The following ADCY5 variants were observed in gnomAD, a reference collection of about 807,000 sequenced individuals.
ADCY5 encodes adenylate cyclase 5.
Under a neutral mutation model 119.7 loss-of-function variants are expected in ADCY5, and 30 were observed. The ratio of observed to expected loss-of-function variants is 0.25; its 90% CI spans 0.19 to 0.34. The LOEUF is 0.34. Ranked by LOEUF, ADCY5 falls within the 10% of genes least tolerant of loss-of-function variation. ADCY5 has a pLI of 1.00. For missense variants in ADCY5, 1,324 were observed against 1,775.2 expected (o/e 0.75, Z 4.57); for synonymous variants, 753 against 762.2 (o/e 0.99, Z 0.20).
rs1938533857 is a variant in ADCY5, at chr3:123,283,754, G to A, written c.*854C>T. 6.8e-6 allele frequency: 1 copy of A among 146,920 alleles called. No homozygotes were observed. The allele number at this position is 146,920 out of a possible 1,614,324, so 9.1% of individuals were successfully genotyped here. On this transcript the variant is annotated 3_prime_UTR_variant, in exon 21 of 21. Transcript: ENST00000462833. ...CTGTGCACAGCTGTTTTCTAATATA[G>A]AGAATTTACAAAATATAGAATTTGG...
At chr3:123,428,919 C>A (rs1446469472) in intron 1 of ADCY5, among the ~76,000 whole-genome samples, 1 of 152,224 alleles carries the variant, frequency 6.6e-6, no homozygotes, top group African/African-American at 2.4e-5. Flanking sequence ...AGTGCGAGCA[C>A]TGGAGCCCTA....
At position 123,424,506 on chromosome 3, in the gene ADCY5, A is replaced by AGAAT. The variant is rs371321735; in HGVS notation, c.1134+22902_1134+22905dup. On this transcript the variant is annotated intron_variant, in intron 1 of 20. Transcript: ENST00000462833. ...ATTTCCCTGGAAAGATGGTCCAGGC[A>AGAAT]GAATGCACAGTCCTCTCACACATGA... Among the ~76,000 whole-genome samples the AGAAT allele has an allele frequency of 1.4e-3, 209 of 152,348 alleles. 1 individual carries two copies. The highest frequency in any genetic ancestry group is 4.9e-3 in the African/African-American group (204 of 41,588).
intron 1 of ADCY5, among the ~76,000 whole-genome samples, chr3:123,361,343 C>T (rs1173041279): frequency 6.6e-6 from 1 of 152,178 alleles, no homozygotes; most frequent in Non-Finnish European, 1.5e-5. Flanking sequence ...AATTCACATA[C>T]CATAAAATGC....
intron 3 of ADCY5, among the ~76,000 whole-genome samples, chr3:123,343,763 G>C (rs1207893525): frequency 6.6e-6 from 1 of 152,186 alleles, no homozygotes; most frequent in African/African-American, 2.4e-5. Context: ...GCAAGTGCTG[G>C]TATCTGGGGT....
In ADCY5 at chr3:123,314,220, G is replaced by A. The variant is rs368081990; in HGVS notation, c.2442+15C>T. 6.2e-7 allele frequency: 1 copy of A among 1,603,768 alleles called. No homozygotes were observed. The highest frequency in any genetic ancestry group is 8.5e-7 in the Non-Finnish European group (1 of 1,171,430). On this transcript the variant is annotated intron_variant, in intron 12 of 20. Coordinates refer to ENST00000462833, the MANE Select transcript of ADCY5 (RefSeq NM_183357.3). ...GGAAGAAGGTGGCTGCAACCCAGCTGTCAGCTACACTCACCTTTACGCAGG... is the reference window on the plus strand; with the variant it reads ...GGAAGAAGGTGGCTGCAACCCAGCTATCAGCTACACTCACCTTTACGCAGG...
chr3:123,346,607 TTC>T (rs72299981), intron 3 of ADCY5, among the ~76,000 whole-genome samples: 1,291 of 128,150 alleles, frequency 0.01, 25 homozygotes, highest in African/African-American at 0.028. Flanking sequence ...CAGCCTCACC[TTC>T]TCTCTCTCTC....
chr3:123,374,904 A>G (rs1269037962), intron 1 of ADCY5, among the ~76,000 whole-genome samples: 1 of 152,222 alleles, frequency 6.6e-6, no homozygotes, highest in Non-Finnish European at 1.5e-5. Flanking sequence ...AAGGACACCA[A>G]TTATGGGGCA....
rs78786981 is a variant in ADCY5 at position 123,297,073 on chromosome 3, T to C, written c.2930+280A>G. The C allele has an allele frequency of 5.0e-3, 7,591 of 1,532,760 alleles. 220 individuals are homozygous for C. In the African/African-American group the frequency reaches 0.073, roughly 15 times the overall value. 94.9% of individuals were successfully genotyped at this position (1,532,760 alleles called of 1,614,324 possible). On this transcript the variant is annotated intron_variant, in intron 16 of 20. Transcript: ENST00000462833. ...CAGGCTCCTGGGGAAGAGCTTGAGGTTAAATGCTTTAACATGAGGCCTATG... is the reference window on the plus strand; with the variant it reads ...CAGGCTCCTGGGGAAGAGCTTGAGGCTAAATGCTTTAACATGAGGCCTATG...
chr3:123,321,571 G>T (rs570336324), intron 8 of ADCY5, among the ~76,000 whole-genome samples: 206 of 152,300 alleles, frequency 1.4e-3, no homozygotes, highest in African/African-American at 4.6e-3. Context: ...AAGGTGACAA[G>T]TAGCCCCAGG....
intron 12 of ADCY5, among the ~76,000 whole-genome samples, chr3:123,309,977 A>C (rs899814546): frequency 1.3e-5 from 2 of 152,140 alleles, no homozygotes; most frequent in Non-Finnish European, 2.9e-5. Flanking sequence ...ACTGCAGAGC[A>C]GACAGGGCCC....
intron 7 of ADCY5, among the ~76,000 whole-genome samples, chr3:123,326,048 T>C (rs1941469138): frequency 6.6e-6 from 1 of 152,106 alleles, no homozygotes; most frequent in African/African-American, 2.4e-5. Context: ...CAAGGGTGGG[T>C]GGGGCCTGAT....
rs762179930 is a variant in ADCY5, at chr3:123,291,157, C to T, written c.3283G>A (p.Glu1095Lys). 1 of 1,613,914 alleles carries T rather than the reference C, an allele frequency of 6.2e-7. No individual in the cohort carries two copies. Among genetic ancestry groups the T allele is most frequent in the Non-Finnish European group, 8.5e-7 (1 of 1,180,034 alleles). ...ATCTCATTGAGTAGCCGCAGGCACT[C>T]GACACCCTCGTTGTTGGCCTCCAGC... is the stretch of plus-strand genomic sequence containing the variant. ...VELEANNEGV[E>K]CLRLLNEIIA... Residue 1095 changes from glutamate (E) to lysine (K), a missense_variant, in exon 18 of 21, where the codon GAG becomes AAG. By Grantham distance (56) the Glu-to-Lys change is moderately conservative. Coordinates refer to ENST00000462833, the MANE Select transcript of ADCY5 (RefSeq NM_183357.3).
At chr3:123,363,528 G>A (rs1390333764) in intron 1 of ADCY5, among the ~76,000 whole-genome samples, 1 of 152,186 alleles carries the variant, frequency 6.6e-6, no homozygotes, top group African/African-American at 2.4e-5. Flanking sequence ...TCAGTAGCTT[G>A]AACAGGGCTT....
intron 1 of ADCY5, among the ~76,000 whole-genome samples, chr3:123,389,880 T>C (rs911332253): frequency 6.6e-6 from 1 of 151,162 alleles, no homozygotes; most frequent in East Asian, 2.0e-4. Context: ...AAAAAACAAA[T>C]GGTGCAGTGC....
Position 123,314,219 on chromosome 3 carries a change from T to C in ADCY5, c.2442+16A>G, listed in dbSNP as rs773226256. ...GGGAAGAAGGTGGCTGCAACCCAGC[T>C]GTCAGCTACACTCACCTTTACGCAG... On this transcript the variant is annotated intron_variant, in intron 12 of 20. Coordinates refer to ENST00000462833, the MANE Select transcript of ADCY5 (RefSeq NM_183357.3). The C allele has an allele frequency of 3.1e-6, 5 of 1,602,908 alleles. No homozygotes were observed. Among genetic ancestry groups the C allele is most frequent in the Non-Finnish European group, 4.3e-6 (5 of 1,170,792 alleles).
chr3:123,352,330 G>C lies in ADCY5; in HGVS notation c.1284+102C>G, dbSNP rs1576612089. 7.1e-7 allele frequency: 1 copy of C among 1,399,882 alleles called. No individual in the cohort carries two copies. The highest frequency in any genetic ancestry group is 2.4e-5 in the Admixed American group (1 of 41,548). The allele number at this position is 1,399,882 out of a possible 1,614,324, so 86.7% of individuals were successfully genotyped here. On this transcript the variant is annotated intron_variant, in intron 2 of 20. Coordinates refer to ENST00000462833, the MANE Select transcript of ADCY5 (RefSeq NM_183357.3). This position sits in a 1 kb window ranked among gnomAD's most constrained non-coding sequence, Gnocchi z 4.8. ...GGTCCCCTCCCGGGGAGTGGGGCTG[G>C]CAGCCGTAATAAGCACTGCCCGCCC...
chr3:123,362,130 T>C (rs937274888), intron 1 of ADCY5, among the ~76,000 whole-genome samples: 9 of 152,374 alleles, frequency 5.9e-5, no homozygotes, highest in African/African-American at 2.2e-4. Flanking sequence ...GTGATGAACA[T>C]TCATGTACAA....
chr3:123,397,921 G>T (rs1192550800), intron 1 of ADCY5, among the ~76,000 whole-genome samples: 2 of 152,168 alleles, frequency 1.3e-5, no homozygotes, highest in African/African-American at 4.8e-5. Context: ...ACAGCACAGA[G>T]GCTGCTGGGA....
chr3:123,381,568 G>A (rs1944032496), intron 1 of ADCY5, among the ~76,000 whole-genome samples: 1 of 152,222 alleles, frequency 6.6e-6, no homozygotes, highest in Admixed American at 6.5e-5. Context: ...GATCTGTGCA[G>A]CTGCACAGGG....
Sources: allele counts gnomAD v4.1 joint callset (sites outside exome capture counted in the v4.1 genomes callset), GRCh38; gene constraint gnomAD v4.1.1; non-coding constraint Gnocchi (gnomAD v3.1); transcripts MANE v1.5; gene names NCBI Gene and HGNC (gene_info 2026-07-23, HGNC 2026-07-21).